Variants in TFB1M observed in about 807,000 individuals in gnomAD.
TFB1M encodes transcription factor B1, mitochondrial.
A neutral mutation model predicts 31.1 loss-of-function variants in TFB1M; 27 were observed. The observed-to-expected ratio is 0.87, with a 90% confidence interval of 0.64 to 1.20. TFB1M has a LOEUF of 1.20. TFB1M is among the 50% of genes most tolerant of loss of function. TFB1M has a pLI of 0.00. For synonymous variants in TFB1M, 166 were observed against 151.8 expected (o/e 1.09, Z -0.69); for missense variants, 394 against 418.7 (o/e 0.94, Z 0.51).
In TFB1M at chr6:155,268,594, G is replaced by C. The variant is rs73792820; in HGVS notation, c.667-8194C>G. Among the ~76,000 whole-genome samples the C allele has an allele frequency of 1.7e-3, 264 of 152,284 alleles. 1 individual carries two copies. Among genetic ancestry groups the C allele is most frequent in the African/African-American group, 5.4e-3 (226 of 41,540 alleles). ...CACTAAGCAACACCACACACTAAGG[G>C]AAGCTAAAGTAATTTCTGCTTAAAG... On this transcript the variant is annotated intron_variant, in intron 5 of 6. Coordinates refer to ENST00000367166, the MANE Select transcript of TFB1M (RefSeq NM_016020.4).
intron 5 of TFB1M, among the ~76,000 whole-genome samples, chr6:155,268,380 T>C (rs1465728327): frequency 1.3e-5 from 2 of 152,216 alleles, no homozygotes; most frequent in Non-Finnish European, 2.9e-5. Context: ...CCAGGCTTCT[T>C]TGATTAGGGT....
At chr6:155,267,011 C>T (rs1295621295) in intron 5 of TFB1M, among the ~76,000 whole-genome samples, 10 of 149,888 alleles carry the variant, frequency 6.7e-5, no homozygotes, top group Non-Finnish European at 1.3e-4. Context: ...ACTCTATCGC[C>T]CAGGCTGGAG....
chr6:155,301,839 T>C (rs964319067), intron 2 of TFB1M, among the ~76,000 whole-genome samples: 2 of 152,188 alleles, frequency 1.3e-5, no homozygotes, highest in African/African-American at 4.8e-5. Context: ...TAATGAAATA[T>C]ATAATTTTTG....
the TFB1M span, chr6:155,244,197 C>T: frequency 3.5e-4 from 350 of 1,010,120 alleles, 1 homozygote; most frequent in African/African-American, 4.5e-3. Context: ...CAAGACTTAA[C>T]GGTCTTCTGA....
chr6:155,232,268 G>T, the TFB1M span, among the ~76,000 whole-genome samples: 2 of 148,860 alleles, frequency 1.3e-5, no homozygotes, highest in African/African-American at 4.9e-5. Flanking sequence ...AATTTTTAGT[G>T]TTTTTTTTTT....
chr6:155,313,522 A>G (rs1175438320), intron 1 of TFB1M, among the ~76,000 whole-genome samples: 3 of 151,550 alleles, frequency 2.0e-5, no homozygotes, highest in African/African-American at 4.8e-5. Context: ...TATTTTTGCA[A>G]CCTCATCTCA....
At chr6:155,246,857 C>A in the TFB1M span, among the ~76,000 whole-genome samples, 1 of 152,368 alleles carries the variant, frequency 6.6e-6, no homozygotes, top group Non-Finnish European at 1.5e-5. Context: ...TTTGATCTTA[C>A]AACACAATCC....
In TFB1M at chr6:155,314,473, C is replaced by G. The variant is rs755296671; in HGVS notation, c.-45G>C. ...CCAACCCTACCTCACCCAGGACCTT[C>G]ACCGCCGCTCCGAAAGAAACGCGCA... On this transcript the variant is annotated 5_prime_UTR_variant, in exon 1 of 7. Coordinates refer to ENST00000367166, the MANE Select transcript of TFB1M (RefSeq NM_016020.4). 63 of 1,608,902 alleles carry G rather than the reference C, an allele frequency of 3.9e-5. No individual in the cohort carries two copies. In the South Asian group the frequency reaches 6.8e-4, roughly 17 times the overall value.
At chr6:155,242,826 C>T in the TFB1M span, among the ~76,000 whole-genome samples, 1 of 152,134 alleles carries the variant, frequency 6.6e-6, no homozygotes, top group Non-Finnish European at 1.5e-5. Context: ...ACCTCCACCT[C>T]CTGAGTTCAA....
chr6:155,267,961 C>A (rs1394514583), intron 5 of TFB1M, among the ~76,000 whole-genome samples: 1 of 152,202 alleles, frequency 6.6e-6, no homozygotes, highest in Non-Finnish European at 1.5e-5. Context: ...ACTGAAACAT[C>A]TGAAACCAAT....
chr6:155,276,009 C>A (rs755428509), intron 5 of TFB1M: 2 of 1,614,204 alleles, frequency 1.2e-6, no homozygotes, highest in South Asian at 1.1e-5. Flanking sequence ...GGGATCTGCA[C>A]TTCCACAGTA....
chr6:155,313,299 A>G (rs1778101690), intron 1 of TFB1M: 1 of 152,138 alleles, frequency 6.6e-6, no homozygotes, highest in South Asian at 2.1e-4. Flanking sequence ...TATTTTATCC[A>G]AAGTCATATT....
At position 155,307,688 on chromosome 6, in the gene TFB1M, C is replaced by T. The variant is rs73581229; in HGVS notation, c.285+3500G>A. ...CTATTATTATTTTTAATATATGAAG[C>T]CTTTAAAACAGTGCTGTGCAATTGC... On this transcript the variant is annotated intron_variant, in intron 2 of 6. Transcript: ENST00000367166. Among the ~76,000 whole-genome samples the T allele has an allele frequency of 5.6e-3, 853 of 152,112 alleles. 11 individuals carry two copies. The highest frequency in any genetic ancestry group is 0.02 in the African/African-American group (814 of 41,484).
At chr6:155,271,709 CT>C (rs1784925050) in intron 5 of TFB1M, among the ~76,000 whole-genome samples, 1 of 152,148 alleles carries the variant, frequency 6.6e-6, no homozygotes, top group Non-Finnish European at 1.5e-5. Context: ...AGACCACATT[CT>C]TGAACTGAGG....
chr6:155,307,136 T>TACACACACAC (rs61677970), intron 2 of TFB1M, among the ~76,000 whole-genome samples: 4,263 of 147,282 alleles, frequency 0.029, 63 homozygotes, highest in Non-Finnish European at 0.035. Context: ...CTCAAACACA[T>TACACACACAC]ACACACACAC....
At chr6:155,273,078 G>A (rs1211351493) in intron 5 of TFB1M, among the ~76,000 whole-genome samples, 1 of 152,204 alleles carries the variant, frequency 6.6e-6, no homozygotes, top group Non-Finnish European at 1.5e-5. Context: ...ATGGTCCAGA[G>A]GCAGTAATTT....
At chr6:155,238,003 T>C in the TFB1M span, among the ~76,000 whole-genome samples, 1 of 152,262 alleles carries the variant, frequency 6.6e-6, no homozygotes, top group Non-Finnish European at 1.5e-5. Context: ...TTCTTTGCTA[T>C]TGCATTGTCA....
At chr6:155,310,906 T>TAA (rs375552963) in intron 2 of TFB1M, 519 of 356,964 alleles carry the variant, frequency 1.5e-3, no homozygotes, top group South Asian at 2.3e-3. Context: ...TTAGCAGACT[T>TAA]AAAAAAAAAA....
At chr6:155,297,761 T>C (rs1331319144) in intron 3 of TFB1M, among the ~76,000 whole-genome samples, 2 of 152,196 alleles carry the variant, frequency 1.3e-5, no homozygotes, top group East Asian at 3.9e-4. Context: ...CTCAGTCAGA[T>C]AAGGTTTGAA....
Sources: gnomAD v4.1 joint callset for allele counts (sites outside exome capture counted in the v4.1 genomes callset) on GRCh38, gnomAD v4.1.1 for gene constraint, MANE v1.5 for transcripts, NCBI Gene and HGNC (gene_info 2026-07-23, HGNC 2026-07-21) for gene names.